The following DERA variants were observed in gnomAD, a reference collection of about 807,000 sequenced individuals.
DERA encodes the protein 2-deoxy-D-ribose 5-phosphate aldolase.
DERA carries 15 observed loss-of-function variants against 41.1 expected under a neutral mutation model. That is an observed-to-expected ratio of 0.37 (90% confidence interval 0.24 to 0.56). The LOEUF (loss-of-function observed/expected upper bound fraction) is 0.56, where lower values mean the gene tolerates loss of function less well. Among genes scored for constraint, DERA ranks in the 20% least tolerant of loss-of-function variants. The probability of loss-of-function intolerance (pLI) is 0.81; values close to 1 mark genes in which losing one functional copy is unlikely to be tolerated. For missense variants in DERA, 396 were observed against 403.4 expected (o/e 0.98, Z 0.16); for synonymous variants, 139 against 137.4 (o/e 1.01, Z -0.08).
intron 4 of DERA, among the ~76,000 whole-genome samples, chr12:15,960,636 CAAAAAAAAAAA>C (rs1163104277): frequency 0.029 from 847 of 28,714 alleles, 12 homozygotes; most frequent in East Asian, 0.21. Flanking sequence ...GACTCCGTCT[CAAAAAAAAAAA>C]AAAAAAAAAA....
intron 2 of DERA, 146 bp from the exon 3 acceptor site, chr12:15,958,042 G>C: frequency 1.9e-6 from 1 of 534,710 alleles, no homozygotes; most frequent in Non-Finnish European, 3.1e-6. Context: ...TTTATATCAT[G>C]TATCAGGATA....
Position 15,919,591 on chromosome 12 carries a change from TCTC to T in DERA, c.31+8181_31+8183del, listed in dbSNP as rs953440360. Among the ~76,000 whole-genome samples, 16 of 152,200 alleles carry T rather than the reference TCTC, an allele frequency of 1.1e-4. 1 individual carries two copies. The highest frequency in any genetic ancestry group is 2.2e-4 in the Non-Finnish European group (15 of 68,038). On this transcript the variant is annotated intron_variant, in intron 1 of 8. Coordinates refer to ENST00000428559, the MANE Select transcript of DERA (RefSeq NM_015954.4). Reference sequence around the variant, plus strand: ...TTGTGTATGTGTCTACGAATGTACTTCTCCTCAGCCTGCCTCAGCTGTAACAGT... The same window carrying T: ...TTGTGTATGTGTCTACGAATGTACTTCTCAGCCTGCCTCAGCTGTAACAGT...
intron 6 of DERA, among the ~76,000 whole-genome samples, chr12:15,987,196 C>G (rs368700242): frequency 1.4e-5 from 2 of 146,878 alleles, no homozygotes; most frequent in East Asian, 4.0e-4. Context: ...TGTTTTCTAA[C>G]AGTTTAGGAC....
At chr12:15,912,020 CTTT>C (rs11354779) in intron 1 of DERA, among the ~76,000 whole-genome samples, 2 of 134,166 alleles carry the variant, frequency 1.5e-5, no homozygotes, top group African/African-American at 2.7e-5. Context: ...GTTCAGATTT[CTTT>C]TTTTTTTTTT....
At chr12:16,033,407 G>C (rs77927703) in intron 7 of DERA, among the ~76,000 whole-genome samples, 167 of 152,268 alleles carry the variant, frequency 1.1e-3, no homozygotes, top group Admixed American at 2.2e-3. Flanking sequence ...ACTAGTTTTT[G>C]TCAGCTTTTC....
chr12:15,944,336 C>G (rs1049994994), intron 1 of DERA, among the ~76,000 whole-genome samples: 10 of 152,168 alleles, frequency 6.6e-5, no homozygotes, highest in Admixed American at 2.6e-4. Context: ...CTAGTTTACA[C>G]TCCCAACAAC....
intron 6 of DERA, among the ~76,000 whole-genome samples, chr12:16,007,789 A>G (rs1173134508): frequency 6.6e-6 from 1 of 151,936 alleles, no homozygotes; most frequent in East Asian, 1.9e-4. Context: ...ATTTTCTACT[A>G]TTGCTGAAGC....
At chr12:15,926,620 C>T (rs910104528) in intron 1 of DERA, among the ~76,000 whole-genome samples, 5 of 151,972 alleles carry the variant, frequency 3.3e-5, no homozygotes, top group Admixed American at 2.6e-4. Context: ...CCTGTAGTCC[C>T]AGCTACTCGG....
At position 15,972,403 on chromosome 12, in the gene DERA, A is replaced by G. The variant is rs1948667529; in HGVS notation, c.508+9456A>G. 1 of 152,912 alleles carries G rather than the reference A, an allele frequency of 6.5e-6. No individual in the cohort carries two copies. The allele number at this position is 152,912 out of a possible 1,614,324, so 9.5% of individuals were successfully genotyped here. ...GATCACCCCACAGTTCACCCTTTAGAGACACTGCACACATCCCAGCCAGCT... is the reference window on the plus strand; with the variant it reads ...GATCACCCCACAGTTCACCCTTTAGGGACACTGCACACATCCCAGCCAGCT... On this transcript the variant is annotated intron_variant, in intron 5 of 8. Transcript: ENST00000428559. This position sits in a 1 kb window ranked among gnomAD's most constrained non-coding sequence, Gnocchi z 4.4.
rs2136121710 is a variant in DERA at position 15,915,783 on chromosome 12, A to G, written c.31+4369A>G. Among the ~76,000 whole-genome samples the G allele has an allele frequency of 6.6e-6, 1 of 152,318 alleles. No homozygotes were observed. The highest frequency in any genetic ancestry group is 1.9e-4 in the East Asian group (1 of 5,190). On this transcript the variant is annotated intron_variant, in intron 1 of 8. Coordinates refer to ENST00000428559, the MANE Select transcript of DERA (RefSeq NM_015954.4). The surrounding 1 kb of genome is among the most constrained non-coding windows in gnomAD (Gnocchi z 4.8). ...TGCTTGAAATTCTCATTTAGTCCACAATGGCCCTGTGAGGGAGATAGCATG... is the reference window on the plus strand; with the variant it reads ...TGCTTGAAATTCTCATTTAGTCCACGATGGCCCTGTGAGGGAGATAGCATG...
chr12:15,925,418 A>G (rs1055278279), intron 1 of DERA, among the ~76,000 whole-genome samples: 2 of 152,192 alleles, frequency 1.3e-5, no homozygotes, highest in African/African-American at 4.8e-5. Flanking sequence ...ACTAGAACAT[A>G]AAAAAGGCCT....
At chr12:16,028,842 T>A (rs944357511) in intron 6 of DERA, among the ~76,000 whole-genome samples, 4 of 152,088 alleles carry the variant, frequency 2.6e-5, no homozygotes, top group African/African-American at 9.7e-5. Context: ...GTCAAGATCA[T>A]CAAAATAAAA....
rs1466075644 is a variant in DERA at position 15,924,826 on chromosome 12, T to C, written c.31+13412T>C. Among the ~76,000 whole-genome samples, 2 of 152,258 alleles carry C rather than the reference T, an allele frequency of 1.3e-5. No individual in the cohort carries two copies. Among genetic ancestry groups the C allele is most frequent in the Admixed American group, 6.5e-5 (1 of 15,288 alleles). ...TCAACACTGATCTGCTAAGATACTT[T>C]GCCTTCTTTTATGGTACCTACCAAT... On this transcript the variant is annotated intron_variant, in intron 1 of 8. Transcript: ENST00000428559. The surrounding 1 kb of genome is among the most constrained non-coding windows in gnomAD (Gnocchi z 5.0).
At chr12:15,975,376 T>C (rs1039278014) in intron 5 of DERA, among the ~76,000 whole-genome samples, 1 of 152,150 alleles carries the variant, frequency 6.6e-6, no homozygotes, top group Non-Finnish European at 1.5e-5. Context: ...ATCTGGGTGG[T>C]GCCAGCTGAT....
chr12:15,914,137 T>A lies in DERA; in HGVS notation c.31+2723T>A, dbSNP rs116421955. On this transcript the variant is annotated intron_variant, in intron 1 of 8. Coordinates refer to ENST00000428559, the MANE Select transcript of DERA (RefSeq NM_015954.4). Reference sequence around the variant, plus strand: ...GGCTCATGCCTATAGTCCTGGCACTTTGGGAGGCTCAAGGCAGCCGGATCA... The same window carrying A: ...GGCTCATGCCTATAGTCCTGGCACTATGGGAGGCTCAAGGCAGCCGGATCA... Among the ~76,000 whole-genome samples the A allele has an allele frequency of 7.2e-3, 1,094 of 152,120 alleles. 15 individuals carry two copies. Among genetic ancestry groups the A allele is most frequent in the African/African-American group, 0.025 (1,053 of 41,506 alleles).
At chr12:15,912,528 T>G (rs545826090) in intron 1 of DERA, among the ~76,000 whole-genome samples, 1 of 152,356 alleles carries the variant, frequency 6.6e-6, no homozygotes, top group African/African-American at 2.4e-5. Flanking sequence ...TCGGACAAAT[T>G]AATAACTTTG....
chr12:16,034,039 T>C (rs1949111210), intron 7 of DERA, among the ~76,000 whole-genome samples: 2 of 152,230 alleles, frequency 1.3e-5, no homozygotes, highest in African/African-American at 4.8e-5. Context: ...ACTCATTTGA[T>C]TGTGATTCTC....
At position 15,918,201 on chromosome 12, in the gene DERA, C is replaced by T. The variant is rs1254579454; in HGVS notation, c.31+6787C>T. 1.3e-5 allele frequency among the ~76,000 whole-genome samples: 2 copies of T among 152,200 alleles called. No individual in the cohort carries two copies. Among genetic ancestry groups the T allele is most frequent in the East Asian group, 1.9e-4 (1 of 5,174 alleles). On this transcript the variant is annotated intron_variant, in intron 1 of 8. Coordinates refer to ENST00000428559, the MANE Select transcript of DERA (RefSeq NM_015954.4). This position sits in a 1 kb window ranked among gnomAD's most constrained non-coding sequence, Gnocchi z 4.3. ...CTCCTGTGAGTCTGCCTTCCTCATC[C>T]CGCTGGTGCTTGGTCCCCCACAGCA... is the stretch of plus-strand genomic sequence containing the variant.
chr12:15,929,798 A>G (rs1485709354), intron 1 of DERA, among the ~76,000 whole-genome samples: 2 of 152,190 alleles, frequency 1.3e-5, no homozygotes, highest in African/African-American at 2.4e-5. Flanking sequence ...AACTTAGCTC[A>G]CTTCAGTTTC....
Sources: allele counts gnomAD v4.1 joint callset (sites outside exome capture counted in the v4.1 genomes callset), GRCh38; gene constraint gnomAD v4.1.1; non-coding constraint Gnocchi (gnomAD v3.1); transcripts MANE v1.5; gene names NCBI Gene and HGNC (gene_info 2026-07-23, HGNC 2026-07-21).